The following SORCS1 variants were observed in gnomAD, a reference collection of about 807,000 sequenced individuals.
The protein encoded by SORCS1 is VPS10 domain-containing receptor SorCS1.
SORCS1 carries 60 observed loss-of-function variants against 146.1 expected under a neutral mutation model. The observed-to-expected ratio is 0.41, with a 90% CI of 0.33 to 0.51. SORCS1 has a LOEUF of 0.51. Ranked by LOEUF, SORCS1 falls within the 20% of genes least tolerant of loss-of-function variation. The pLI is 0.21. For synonymous variants in SORCS1, 637 were observed against 584.0 expected (o/e 1.09, Z -1.31); for missense variants, 1,352 against 1,487.6 (o/e 0.91, Z 1.50).
chr10:106,932,740 G>A (rs1267082657), intron 2 of SORCS1, among the ~76,000 whole-genome samples: 1 of 152,216 alleles, frequency 6.6e-6, no homozygotes, highest in African/African-American at 2.4e-5. Flanking sequence ...TTCAAGGTGA[G>A]CACTCCCCTC....
At chr10:106,710,322 G>A (rs113920378) in intron 6 of SORCS1, among the ~76,000 whole-genome samples, 3,387 of 149,804 alleles carry the variant, frequency 0.023, 54 homozygotes, top group Non-Finnish European at 0.031. Context: ...TGGCAGGCAC[G>A]TAAAATCACA....
chr10:106,746,844 C>G (rs1204228228), intron 5 of SORCS1, among the ~76,000 whole-genome samples: 3 of 152,156 alleles, frequency 2.0e-5, no homozygotes, highest in African/African-American at 7.2e-5. Context: ...TTTTGGATTC[C>G]TCTCTCTTAG....
rs955099810 is a variant in SORCS1 at position 106,686,023 on chromosome 10, C to T, written c.1560+2169G>A. On this transcript the variant is annotated intron_variant, in intron 10 of 25. Coordinates refer to ENST00000263054, the MANE Select transcript of SORCS1 (RefSeq NM_052918.5). Reference sequence around the variant, plus strand: ...GTCTTGATTGTAGCAATGGTTATATCGGTATATACATCTGTCAAAATTCAT... The same window carrying T: ...GTCTTGATTGTAGCAATGGTTATATTGGTATATACATCTGTCAAAATTCAT... Among the ~76,000 whole-genome samples the T allele has an allele frequency of 2.0e-5, 3 of 152,058 alleles. 1 individual carries two copies. The highest frequency in any genetic ancestry group is 6.6e-5 in the Admixed American group (1 of 15,266).
At chr10:106,968,276 T>C (rs1955606557) in intron 1 of SORCS1, among the ~76,000 whole-genome samples, 1 of 152,090 alleles carries the variant, frequency 6.6e-6, no homozygotes, top group African/African-American at 2.4e-5. Flanking sequence ...AGGAGCGAGA[T>C]GGAAGGGAAG....
intron 5 of SORCS1, among the ~76,000 whole-genome samples, chr10:106,747,950 C>T (rs1857864335): frequency 6.6e-6 from 1 of 152,070 alleles, no homozygotes; most frequent in Non-Finnish European, 1.5e-5. Context: ...ATAAATAATG[C>T]CACCTCATTC....
chr10:106,920,844 T>C (rs1217036423), intron 2 of SORCS1, among the ~76,000 whole-genome samples: 1 of 152,122 alleles, frequency 6.6e-6, no homozygotes, highest in East Asian at 1.9e-4. Flanking sequence ...AAATAGTGGG[T>C]GGAGTCACCC....
At chr10:107,063,540 C>T (rs1308531204) in intron 1 of SORCS1, among the ~76,000 whole-genome samples, 3 of 152,134 alleles carry the variant, frequency 2.0e-5, no homozygotes, top group African/African-American at 7.2e-5. Flanking sequence ...ATGTCTGACA[C>T]TAGAAGATGT....
intron 1 of SORCS1, among the ~76,000 whole-genome samples, chr10:107,077,060 T>A (rs1316975649): frequency 6.6e-6 from 1 of 152,174 alleles, no homozygotes; most frequent in African/African-American, 2.4e-5. Context: ...GGATCTGCTC[T>A]ATTTTTTCAC....
intron 1 of SORCS1, among the ~76,000 whole-genome samples, chr10:106,962,529 A>G (rs914716204): frequency 3.3e-5 from 5 of 152,144 alleles, no homozygotes; most frequent in Admixed American, 2.6e-4. Flanking sequence ...ATCAAATCTC[A>G]AAAGAAACAA....
At chr10:106,723,157 C>A (rs934499723) in intron 6 of SORCS1, among the ~76,000 whole-genome samples, 1 of 152,094 alleles carries the variant, frequency 6.6e-6, no homozygotes, top group Non-Finnish European at 1.5e-5. Context: ...CTTATCTCTA[C>A]TAAAAACGTA....
At chr10:106,745,987 C>A (rs1272381210) in intron 5 of SORCS1, among the ~76,000 whole-genome samples, 1 of 152,060 alleles carries the variant, frequency 6.6e-6, no homozygotes, top group African/African-American at 2.4e-5. Context: ...ACTAACTAAC[C>A]CAATTTGAGG....
At chr10:106,932,394 C>T (rs10884387) in intron 2 of SORCS1, among the ~76,000 whole-genome samples, 43,127 of 151,952 alleles carry the variant, frequency 0.28, 6,579 homozygotes, top group Middle Eastern at 0.36. Flanking sequence ...ACTCACAGCA[C>T]TACTGTCACC....
At chr10:106,780,161 T>C (rs1589860672) in intron 3 of SORCS1, among the ~76,000 whole-genome samples, 1 of 152,218 alleles carries the variant, frequency 6.6e-6, no homozygotes, top group Non-Finnish European at 1.5e-5. Context: ...ACATAGATGA[T>C]ATTGTTCATA....
intron 6 of SORCS1, among the ~76,000 whole-genome samples, chr10:106,714,092 C>T (rs745336928): frequency 5.7e-5 from 7 of 122,516 alleles, no homozygotes; most frequent in Admixed American, 1.1e-4. Context: ...GCTGGGATCA[C>T]GGCACTGCAC....
At chr10:107,115,653 A>C (rs570697565) in intron 1 of SORCS1, among the ~76,000 whole-genome samples, 5 of 152,140 alleles carry the variant, frequency 3.3e-5, no homozygotes, top group African/African-American at 1.2e-4. Context: ...TCATAGAAGA[A>C]AACATAGTTT....
chr10:106,725,267 G>C (rs1856066314), intron 6 of SORCS1, among the ~76,000 whole-genome samples: 1 of 152,010 alleles, frequency 6.6e-6, no homozygotes, highest in Non-Finnish European at 1.5e-5. Context: ...ATAATGAATG[G>C]GGTCGGGCGC....
intron 22 of SORCS1, 44 bp from the exon 23 acceptor site, chr10:106,607,341 A>C: frequency 5.0e-6 from 8 of 1,609,028 alleles, no homozygotes; most frequent in Non-Finnish European, 6.8e-6. Flanking sequence ...TGCAGAGAAG[A>C]AAGCTGAGAA....
intron 1 of SORCS1, among the ~76,000 whole-genome samples, chr10:106,994,988 A>G (rs1005190919): frequency 6.6e-6 from 1 of 152,164 alleles, no homozygotes; most frequent in East Asian, 1.9e-4. Flanking sequence ...AAAATAAAAC[A>G]TACAGGAGAG....
At chr10:107,058,166 T>A (rs570607895) in intron 1 of SORCS1, among the ~76,000 whole-genome samples, 1 of 152,208 alleles carries the variant, frequency 6.6e-6, no homozygotes, top group African/African-American at 2.4e-5. Flanking sequence ...CTCAGCCTCC[T>A]GAGTAGCTGG....
Sources: allele counts gnomAD v4.1 joint callset (sites outside exome capture counted in the v4.1 genomes callset), GRCh38; gene constraint gnomAD v4.1.1; transcripts MANE v1.5; gene names NCBI Gene and HGNC (gene_info 2026-07-23, HGNC 2026-07-21).